WWOX: variants seen among roughly 807,000 people sequenced by gnomAD.
WWOX encodes the protein WW domain containing oxidoreductase.
WWOX carries 69 observed loss-of-function variants against 46.2 expected under a neutral mutation model. The observed-to-expected ratio is 1.49, with a 90% CI of 1.23 to 1.82. WWOX has a LOEUF of 1.82. WWOX is among the 40% of genes most tolerant of loss of function. The probability of loss-of-function intolerance (pLI) is 0.00; values close to 1 mark genes in which losing one functional copy is unlikely to be tolerated. For synonymous variants in WWOX, 359 were observed against 202.6 expected (o/e 1.77, Z -6.56); for missense variants, 919 against 542.6 (o/e 1.69, Z -6.89).
At chr16:78,170,133 C>T (rs889063630) in intron 5 of WWOX, among the ~76,000 whole-genome samples, 10 of 152,068 alleles carry the variant, frequency 6.6e-5, no homozygotes, top group Admixed American at 5.2e-4. Flanking sequence ...TTTGTGGCAA[C>T]CAAAATGTCT....
chr16:79,121,667 C>A (rs150521200), intron 8 of WWOX, among the ~76,000 whole-genome samples: 1 of 152,056 alleles, frequency 6.6e-6, no homozygotes, highest in Non-Finnish European at 1.5e-5. Context: ...TTGGGGCATG[C>A]GCCAAGGGAA....
chr16:78,885,794 C>T (rs181570231), intron 8 of WWOX, among the ~76,000 whole-genome samples: 2 of 152,088 alleles, frequency 1.3e-5, no homozygotes, highest in African/African-American at 2.4e-5. Flanking sequence ...TCGGATTCTT[C>T]CCCCTTCTTA....
chr16:79,040,128 C>T (rs2047942203), intron 8 of WWOX, among the ~76,000 whole-genome samples: 1 of 152,108 alleles, frequency 6.6e-6, no homozygotes, highest in Non-Finnish European at 1.5e-5. Flanking sequence ...TGGCTCACAT[C>T]AGTAATGTAC....
intron 8 of WWOX, among the ~76,000 whole-genome samples, chr16:78,726,403 A>G (rs2048838275): frequency 6.6e-6 from 1 of 151,740 alleles, no homozygotes; most frequent in Non-Finnish European, 1.5e-5. Context: ...TTTTTAAATT[A>G]TTTGTGGAGA....
At chr16:78,335,140 CTT>C (rs1169945166) in intron 5 of WWOX, among the ~76,000 whole-genome samples, 1 of 152,090 alleles carries the variant, frequency 6.6e-6, no homozygotes, top group Non-Finnish European at 1.5e-5. Context: ...TTTTCTAAAA[CTT>C]TAAGTTCCAG....
chr16:78,954,131 T>C (rs903529968), intron 8 of WWOX, among the ~76,000 whole-genome samples: 1 of 152,226 alleles, frequency 6.6e-6, no homozygotes, highest in African/African-American at 2.4e-5. Context: ...TGTTAAGATC[T>C]GCCATAAAAA....
intron 8 of WWOX, among the ~76,000 whole-genome samples, chr16:78,508,838 T>A (rs1000867306): frequency 6.6e-6 from 1 of 152,200 alleles, no homozygotes; most frequent in African/African-American, 2.4e-5. Context: ...GATTACTGTT[T>A]CCTCTCTCTC....
chr16:78,490,127 G>A lies in WWOX; in HGVS notation c.1056+57375G>A, dbSNP rs1465321536. Among the ~76,000 whole-genome samples, 10 of 140,138 alleles carry A rather than the reference G, an allele frequency of 7.1e-5. No homozygotes were observed. In the East Asian group the frequency reaches 1.2e-3, roughly 17 times the overall value. 91.9% of individuals were successfully genotyped at this position (140,138 alleles called of 152,430 possible). A position where few individuals can be genotyped will look rare whatever the true frequency, so the allele number is the denominator to read the frequency against. On this transcript the variant is annotated intron_variant, in intron 8 of 8. Coordinates refer to ENST00000566780, the MANE Select transcript of WWOX (RefSeq NM_016373.4). Reference sequence around the variant, plus strand: ...CACTAAACGATTTGTTCAGATTGGGGAAAAAATTTTTTTTTTTTTTTTGGT... The same window carrying A: ...CACTAAACGATTTGTTCAGATTGGGAAAAAAATTTTTTTTTTTTTTTTGGT...
intron 8 of WWOX, among the ~76,000 whole-genome samples, chr16:79,171,712 TTC>T (rs1430216926): frequency 6.6e-6 from 1 of 152,198 alleles, no homozygotes; most frequent in Non-Finnish European, 1.5e-5. Flanking sequence ...TCAGCAGATG[TTC>T]TTTCTTCATT....
chr16:78,199,141 G>A (rs370427495), intron 5 of WWOX, among the ~76,000 whole-genome samples: 6 of 151,992 alleles, frequency 3.9e-5, no homozygotes, highest in South Asian at 4.2e-4. Context: ...GTGAAACCCC[G>A]TTTCTACTAA....
intron 8 of WWOX, among the ~76,000 whole-genome samples, chr16:78,746,901 C>T (rs1246880732): frequency 6.6e-6 from 1 of 152,090 alleles, no homozygotes; most frequent in Non-Finnish European, 1.5e-5. Flanking sequence ...AGTATTTTGG[C>T]AGTAGCTGAT....
chr16:78,387,400 G>GTACA (rs2082082254), intron 6 of WWOX, among the ~76,000 whole-genome samples: 1 of 152,124 alleles, frequency 6.6e-6, no homozygotes, highest in African/African-American at 2.4e-5. Context: ...ATTTGATGTG[G>GTACA]TACATGGATG....
chr16:78,621,960 G>C (rs1279512585), intron 8 of WWOX, among the ~76,000 whole-genome samples: 2 of 151,868 alleles, frequency 1.3e-5, no homozygotes, highest in African/African-American at 2.4e-5. Context: ...AAATTGTACT[G>C]GTTTTTCTTG....
chr16:78,783,213 A>G (rs1160150163), intron 8 of WWOX, among the ~76,000 whole-genome samples: 1 of 152,178 alleles, frequency 6.6e-6, no homozygotes, highest in Admixed American at 6.5e-5. Context: ...CATGCACCAG[A>G]CTTGACTTAA....
At chr16:78,785,834 A>T (rs915606352) in intron 8 of WWOX, among the ~76,000 whole-genome samples, 1 of 152,116 alleles carries the variant, frequency 6.6e-6, no homozygotes, top group Non-Finnish European at 1.5e-5. Flanking sequence ...TATTTCTTCA[A>T]TTTTTTTCTG....
intron 8 of WWOX, among the ~76,000 whole-genome samples, chr16:78,718,955 C>G (rs973458206): frequency 6.6e-6 from 1 of 151,398 alleles, no homozygotes; most frequent in Admixed American, 6.6e-5. Context: ...ATAATCTGCA[C>G]TAACCACTCA....
intron 8 of WWOX, among the ~76,000 whole-genome samples, chr16:79,208,423 G>A: frequency 6.6e-6 from 1 of 152,010 alleles, no homozygotes; most frequent in East Asian, 1.9e-4. Flanking sequence ...GCTCCAGCCA[G>A]TGTTTGTATG....
intron 8 of WWOX, among the ~76,000 whole-genome samples, chr16:78,435,884 A>G (rs2083323878): frequency 6.6e-6 from 1 of 152,172 alleles, no homozygotes; most frequent in African/African-American, 2.4e-5. Flanking sequence ...ATCAATAATG[A>G]TGGATATAGA....
intron 6 of WWOX, among the ~76,000 whole-genome samples, chr16:78,390,794 C>T (rs1275718000): frequency 6.6e-6 from 1 of 152,140 alleles, no homozygotes; most frequent in Non-Finnish European, 1.5e-5. Context: ...GTGTGTAAAA[C>T]ATAATGACAA....
Sources: allele counts gnomAD v4.1 joint callset (sites outside exome capture counted in the v4.1 genomes callset), GRCh38; gene constraint gnomAD v4.1.1; transcripts MANE v1.5; gene names NCBI Gene and HGNC (gene_info 2026-07-23, HGNC 2026-07-21).